Variants in CCDC30 observed in about 807,000 individuals in gnomAD.
CCDC30 encodes the protein coiled-coil domain-containing protein 30.
Under a neutral mutation model 100.2 loss-of-function variants are expected in CCDC30, and 70 were observed. The ratio of observed to expected loss-of-function variants is 0.70; its 90% CI spans 0.58 to 0.85. CCDC30 has a LOEUF of 0.85. Among genes scored for constraint, CCDC30 ranks in the 40% least tolerant of loss-of-function variants. The pLI is 0.00. For synonymous variants in CCDC30, 233 were observed against 269.5 expected (o/e 0.86, Z 1.33); for missense variants, 652 against 771.2 (o/e 0.85, Z 1.83).
chr1:42,460,777 T>C (rs1057282532), upstream of CCDC30, among the ~76,000 whole-genome samples: 1 of 152,240 alleles, frequency 6.6e-6, no homozygotes, highest in Non-Finnish European at 1.5e-5. Context: ...AAAATGAGGA[T>C]AATCTCTCTG....
At chr1:42,554,007 AT>A (rs1645313902) in intron 6 of CCDC30, among the ~76,000 whole-genome samples, 1 of 152,060 alleles carries the variant, frequency 6.6e-6, no homozygotes, top group Non-Finnish European at 1.5e-5. Context: ...GTATATATAT[AT>A]ATGTATGTAT....
chr1:42,481,148 A>G lies in CCDC30; in HGVS notation c.15+582A>G, dbSNP rs185636664. On this transcript the variant is annotated intron_variant, in intron 2 of 16. Coordinates refer to ENST00000668663, the Ensembl canonical transcript of CCDC30. The stretch of plus-strand genomic sequence containing the variant: ...AAAGAGTCATGCTGTAAGAATTATC[A>G]AATTATGCATAAAAGTATTTTGAAC... Among the ~76,000 whole-genome samples the G allele has an allele frequency of 9.8e-3, 1,450 of 147,878 alleles. 13 individuals carry two copies. The highest frequency in any genetic ancestry group is 0.014 in the Non-Finnish European group (980 of 68,012).
At chr1:42,514,775 T>A (rs1304724501) in intron 6 of CCDC30, among the ~76,000 whole-genome samples, 1 of 152,058 alleles carries the variant, frequency 6.6e-6, no homozygotes, top group African/African-American at 2.4e-5. Flanking sequence ...TGCCTCACCC[T>A]CCCAAGTAGC....
chr1:42,471,422 G>A (rs1643766983), intron 1 of CCDC30, among the ~76,000 whole-genome samples: 1 of 152,130 alleles, frequency 6.6e-6, no homozygotes, highest in South Asian at 2.1e-4. Flanking sequence ...AGCACTTTGA[G>A]GTATTTGCTT....
chr1:42,603,595 A>G (rs1424446376), intron 10 of CCDC30, among the ~76,000 whole-genome samples: 3 of 152,258 alleles, frequency 2.0e-5, no homozygotes, highest in African/African-American at 7.2e-5. Flanking sequence ...ACCTATTAGA[A>G]TGAACCAAAA....
At chr1:42,634,353 G>T (rs1189749397) in intron 11 of CCDC30, among the ~76,000 whole-genome samples, 3 of 152,068 alleles carry the variant, frequency 2.0e-5, no homozygotes, top group Non-Finnish European at 2.9e-5. Flanking sequence ...ACTGTAGGAG[G>T]TGCTACTGGC....
intron 1 of CCDC30, among the ~76,000 whole-genome samples, chr1:42,479,543 A>G (rs1007959729): frequency 1.3e-5 from 2 of 150,356 alleles, no homozygotes; most frequent in Non-Finnish European, 2.9e-5. Context: ...TGATGCTGGA[A>G]CAATTAGATA....
At chr1:42,541,006 C>T (rs1238976384) in intron 6 of CCDC30, among the ~76,000 whole-genome samples, 2 of 152,152 alleles carry the variant, frequency 1.3e-5, no homozygotes, top group Non-Finnish European at 2.9e-5. Flanking sequence ...CTGTCTTTGT[C>T]TTTTATGATT....
chr1:42,642,246 A>AAT (rs370118861), intron 12 of CCDC30, among the ~76,000 whole-genome samples: 1,522 of 148,442 alleles, frequency 0.01, 33 homozygotes, highest in African/African-American at 0.033. Flanking sequence ...CAAACAAAAA[A>AAT]ATATATATAT....
At chr1:42,558,146 G>A in intron 6 of CCDC30, 1 of 310,616 alleles carries the variant, frequency 3.2e-6, no homozygotes, top group Non-Finnish European at 6.8e-6. Flanking sequence ...CAGAGTGACT[G>A]AACTGGAAAA....
chr1:42,516,374 A>G (rs1218431536), intron 6 of CCDC30, among the ~76,000 whole-genome samples: 1 of 151,962 alleles, frequency 6.6e-6, no homozygotes, highest in Non-Finnish European at 1.5e-5. Context: ...CATGGGGAAG[A>G]TCCCTCATGA....
chr1:42,514,675 A>G (rs1378213766), intron 6 of CCDC30, among the ~76,000 whole-genome samples: 1 of 151,952 alleles, frequency 6.6e-6, no homozygotes, highest in Non-Finnish European at 1.5e-5. Flanking sequence ...TGTTTTTGAG[A>G]TGGAGTCATG....
intron 6 of CCDC30, chr1:42,536,580 G>C: frequency 6.2e-7 from 1 of 1,611,954 alleles, no homozygotes; most frequent in Non-Finnish European, 8.5e-7. Flanking sequence ...CTGCAGAGAA[G>C]GCCTTGAAAG....
chr1:42,460,432 A>C, upstream of CCDC30: 1 of 966,868 alleles, frequency 1.0e-6, no homozygotes, highest in Non-Finnish European at 1.2e-6. Context: ...GTTTTGTTTG[A>C]AATTTATCAA....
intron 12 of CCDC30, among the ~76,000 whole-genome samples, chr1:42,640,180 T>A (rs1647287533): frequency 1.3e-5 from 2 of 152,224 alleles, no homozygotes; most frequent in East Asian, 3.8e-4. Flanking sequence ...GATTTCTTTC[T>A]AAGTCTCCAA....
rs371560122 is a variant in CCDC30 at position 42,494,249 on chromosome 1, T to A, written c.242-2849T>A. On this transcript the variant is annotated intron_variant, in intron 4 of 16. Coordinates refer to ENST00000668663, the Ensembl canonical transcript of CCDC30. ...TGACAAATCTGAGAAAAACAAGCAA[T>A]GGGGAAAGGATTCCCTATTTAATAA... is the stretch of plus-strand genomic sequence containing the variant. Among the ~76,000 whole-genome samples, 345 of 152,264 alleles carry A rather than the reference T, an allele frequency of 2.3e-3. 2 individuals carry two copies. The highest frequency in any genetic ancestry group is 8.0e-3 in the African/African-American group (332 of 41,548).
At chr1:42,478,306 C>A (rs1210150658) in intron 1 of CCDC30, among the ~76,000 whole-genome samples, 1 of 152,014 alleles carries the variant, frequency 6.6e-6, no homozygotes, top group African/African-American at 2.4e-5. Flanking sequence ...GAAAACAAGG[C>A]TCAGAGTGTA....
chr1:42,583,983 C>T (rs770755795), intron 9 of CCDC30, among the ~76,000 whole-genome samples: 5 of 152,060 alleles, frequency 3.3e-5, no homozygotes, highest in Non-Finnish European at 5.9e-5. Context: ...GACATCTGGC[C>T]CAGGAGATGG....
rs146068589 is a variant in CCDC30 at position 42,601,024 on chromosome 1, G to A, written c.1165-9954G>A. On this transcript the variant is annotated intron_variant, in intron 10 of 16. Coordinates refer to ENST00000668663, the Ensembl canonical transcript of CCDC30. ...TTTCTTCATAAATTACCCAGTCTCA[G>A]GTATTTCCTTATAGTTGTGTGAGAA... Among the ~76,000 whole-genome samples the A allele has an allele frequency of 6.6e-5, 10 of 152,194 alleles. 1 individual carries two copies. In the East Asian group the frequency reaches 1.9e-3, roughly 29 times the overall value.
Sources: allele counts gnomAD v4.1 joint callset (sites outside exome capture counted in the v4.1 genomes callset), GRCh38; gene constraint gnomAD v4.1.1; transcripts MANE v1.5; gene names NCBI Gene and HGNC (gene_info 2026-07-23, HGNC 2026-07-21).